Variants in ENTHD1 observed in about 807,000 individuals in gnomAD.
ENTHD1 encodes ENTH domain-containing protein 1.
A neutral mutation model predicts 39.1 loss-of-function variants in ENTHD1; 23 were observed. That is an observed-to-expected ratio of 0.59 (90% confidence interval 0.42 to 0.83). The LOEUF (loss-of-function observed/expected upper bound fraction) is 0.83, where lower values mean the gene tolerates loss of function less well. Ranked by LOEUF, ENTHD1 falls within the 40% of genes least tolerant of loss-of-function variation. The probability of loss-of-function intolerance (pLI) is 0.00; values close to 1 mark genes in which losing one functional copy is unlikely to be tolerated. For missense variants in ENTHD1, 624 were observed against 705.4 expected (o/e 0.88, Z 1.31); for synonymous variants, 230 against 258.2 (o/e 0.89, Z 1.05).
At chr22:39,757,783 C>G (rs192123424) in intron 6 of ENTHD1, among the ~76,000 whole-genome samples, 7 of 152,180 alleles carry the variant, frequency 4.6e-5, no homozygotes, top group Admixed American at 3.3e-4. Flanking sequence ...GTATTCCCCA[C>G]GTGTCAAGGG....
chr22:39,883,429 C>T (rs148094172), intron 2 of ENTHD1, among the ~76,000 whole-genome samples: 119 of 152,000 alleles, frequency 7.8e-4, no homozygotes, highest in Non-Finnish European at 1.4e-3. Context: ...TAAAAACACT[C>T]GACAACTAGG....
At chr22:39,857,608 G>C (rs2066104835) in intron 3 of ENTHD1, among the ~76,000 whole-genome samples, 1 of 152,072 alleles carries the variant, frequency 6.6e-6, no homozygotes, top group African/African-American at 2.4e-5. Context: ...TCCAGTTTCA[G>C]AGCATCTACC....
chr22:39,787,745 T>A (rs2065471096), intron 5 of ENTHD1, among the ~76,000 whole-genome samples: 1 of 152,060 alleles, frequency 6.6e-6, no homozygotes, highest in Non-Finnish European at 1.5e-5. Context: ...GTTCATGAGG[T>A]TTAAGGAAAG....
intron 6 of ENTHD1, among the ~76,000 whole-genome samples, chr22:39,755,627 C>T (rs1032628040): frequency 1.3e-5 from 2 of 152,042 alleles, no homozygotes; most frequent in Non-Finnish European, 2.9e-5. Context: ...TTACTTGTTC[C>T]TGAGCATAAA....
chr22:39,773,398 C>T (rs1443184628), intron 5 of ENTHD1, among the ~76,000 whole-genome samples: 2 of 152,124 alleles, frequency 1.3e-5, no homozygotes, highest in Non-Finnish European at 2.9e-5. Flanking sequence ...TAAACCAAGT[C>T]TCAATAAGCT....
At chr22:39,865,479 A>C (rs959956828) in intron 2 of ENTHD1, among the ~76,000 whole-genome samples, 3 of 152,234 alleles carry the variant, frequency 2.0e-5, no homozygotes, top group Non-Finnish European at 4.4e-5. Flanking sequence ...GTTAAATAAC[A>C]ACAACAGTAA....
At chr22:39,815,443 CA>C (rs767994996) in intron 5 of ENTHD1, among the ~76,000 whole-genome samples, 47 of 120,924 alleles carry the variant, frequency 3.9e-4, no homozygotes, top group East Asian at 7.2e-4. Context: ...AACTCCGTCT[CA>C]AAAAAAAAAA....
chr22:39,853,386 TG>T (rs1269938025), intron 3 of ENTHD1, among the ~76,000 whole-genome samples: 1 of 151,070 alleles, frequency 6.6e-6, no homozygotes, highest in African/African-American at 2.4e-5. Flanking sequence ...AATACAAAAG[TG>T]AGTCGGGTGT....
chr22:39,836,583 TAGATA>T (rs548386981), intron 3 of ENTHD1, among the ~76,000 whole-genome samples: 1 of 152,224 alleles, frequency 6.6e-6, no homozygotes, highest in Non-Finnish European at 1.5e-5. Flanking sequence ...TATAGATTAT[TAGATA>T]AAAGAACTCA....
chr22:39,769,656 C>T (rs778176525), intron 5 of ENTHD1, among the ~76,000 whole-genome samples: 11 of 152,076 alleles, frequency 7.2e-5, no homozygotes, highest in Non-Finnish European at 1.3e-4. Flanking sequence ...TGCAGTAGTA[C>T]TCAGAGGAAG....
At chr22:39,837,235 T>C (rs1250728823) in intron 3 of ENTHD1, among the ~76,000 whole-genome samples, 1 of 152,200 alleles carries the variant, frequency 6.6e-6, no homozygotes, top group Non-Finnish European at 1.5e-5. Context: ...TACACACTAC[T>C]GGAGATATGT....
intron 3 of ENTHD1, among the ~76,000 whole-genome samples, chr22:39,839,936 G>A (rs960179164): frequency 2.6e-5 from 4 of 152,174 alleles, no homozygotes; most frequent in African/African-American, 7.2e-5. Flanking sequence ...CCTATCTTAT[G>A]AGGCAAGAAA....
At chr22:39,748,339 A>C (rs1364428859) in intron 6 of ENTHD1, among the ~76,000 whole-genome samples, 1 of 152,124 alleles carries the variant, frequency 6.6e-6, no homozygotes, top group Non-Finnish European at 1.5e-5. Context: ...GGTTCCTTCT[A>C]GTCAGAAAGA....
intron 5 of ENTHD1, among the ~76,000 whole-genome samples, chr22:39,808,671 C>T (rs1416525139): frequency 6.6e-6 from 1 of 152,124 alleles, no homozygotes. Flanking sequence ...GGCTTCTTGA[C>T]CTAAAATTCA....
intron 3 of ENTHD1, among the ~76,000 whole-genome samples, chr22:39,837,776 A>G (rs969036484): frequency 1.3e-5 from 2 of 152,244 alleles, no homozygotes; most frequent in African/African-American, 4.8e-5. Flanking sequence ...CCAGGCAAGC[A>G]TGAGAGGCAG....
At chr22:39,864,502 T>A (rs2066168956) in intron 2 of ENTHD1, among the ~76,000 whole-genome samples, 1 of 152,218 alleles carries the variant, frequency 6.6e-6, no homozygotes, top group Non-Finnish European at 1.5e-5. Flanking sequence ...CCTAATATTA[T>A]ATATTTATTG....
intron 3 of ENTHD1, among the ~76,000 whole-genome samples, chr22:39,857,727 A>T (rs1398357135): frequency 6.6e-6 from 1 of 152,088 alleles, no homozygotes; most frequent in Non-Finnish European, 1.5e-5. Context: ...ACTCACACAA[A>T]CATTTTTGTT....
chr22:39,840,021 GA>G (rs2065932530), intron 3 of ENTHD1, among the ~76,000 whole-genome samples: 1 of 152,164 alleles, frequency 6.6e-6, no homozygotes, highest in Admixed American at 6.5e-5. Flanking sequence ...CATAACACTG[GA>G]AGTGAGGTGT....
At chr22:39,770,092 G>A (rs1233106337) in intron 5 of ENTHD1, among the ~76,000 whole-genome samples, 2 of 152,134 alleles carry the variant, frequency 1.3e-5, no homozygotes, top group Admixed American at 6.5e-5. Flanking sequence ...TGTGTAGAAT[G>A]TGTATGATGC....
Sources: allele counts gnomAD v4.1 joint callset (sites outside exome capture counted in the v4.1 genomes callset), GRCh38; gene constraint gnomAD v4.1.1; transcripts MANE v1.5; gene names NCBI Gene and HGNC (gene_info 2026-07-23, HGNC 2026-07-21).